Variants in SASH1 observed in about 807,000 individuals in gnomAD.
SASH1 encodes the protein SAM and SH3 domain containing 1.
A neutral mutation model predicts 125.2 loss-of-function variants in SASH1; 44 were observed. That is an observed-to-expected ratio of 0.35 (90% CI 0.28 to 0.45). The LOEUF (loss-of-function observed/expected upper bound fraction) is 0.45, where lower values mean the gene tolerates loss of function less well. Among genes scored for constraint, SASH1 ranks in the 20% least tolerant of loss-of-function variants. The pLI is 1.00. For synonymous variants in SASH1, 639 were observed against 649.1 expected, an observed-to-expected ratio of 0.98 and a Z score of 0.24; for missense variants, 1,426 against 1,614.5, an observed-to-expected ratio of 0.88 and a Z score of 2.00.
chr6:148,443,838 C>G (rs1302228869), intron 4 of SASH1, among the ~76,000 whole-genome samples: 1 of 152,202 alleles, frequency 6.6e-6, no homozygotes, highest in Non-Finnish European at 1.5e-5. Flanking sequence ...GACAATCTCA[C>G]TATTCCCTTA....
intron 1 of SASH1, among the ~76,000 whole-genome samples, chr6:148,315,606 C>G (rs968566758): frequency 2.6e-5 from 4 of 152,118 alleles, no homozygotes; most frequent in African/African-American, 7.2e-5. Flanking sequence ...CTTACCCTGT[C>G]AAAATCTCAA....
chr6:148,443,176 G>A (rs1000191609), intron 4 of SASH1, among the ~76,000 whole-genome samples: 10 of 149,044 alleles, frequency 6.7e-5, no homozygotes, highest in Admixed American at 6.1e-4. Flanking sequence ...ATGGCTCACG[G>A]CATGTTGGTG....
the SASH1 span, among the ~76,000 whole-genome samples, chr6:148,217,083 G>A: frequency 6.6e-6 from 1 of 152,132 alleles, no homozygotes; most frequent in South Asian, 2.1e-4. Context: ...AGCACCGCTA[G>A]AGACTTAGGT....
the SASH1 span, among the ~76,000 whole-genome samples, chr6:148,216,405 T>C: frequency 6.6e-6 from 1 of 152,220 alleles, no homozygotes; most frequent in Non-Finnish European, 1.5e-5. Flanking sequence ...TTTATTTTGG[T>C]AACTTTTTAT....
intron 1 of SASH1, among the ~76,000 whole-genome samples, chr6:148,368,768 G>A (rs1392325556): frequency 5.8e-4 from 41 of 70,474 alleles, no homozygotes; most frequent in Middle Eastern, 6.2e-3. Flanking sequence ...GCGCACGCGC[G>A]CGCACACACA....
chr6:148,194,527 A>G, the SASH1 span, among the ~76,000 whole-genome samples: 2 of 152,186 alleles, frequency 1.3e-5, no homozygotes, highest in African/African-American at 4.8e-5. Context: ...TGGCAGTATG[A>G]CCTATACTAC....
At chr6:148,376,826 G>A (rs866967954) in intron 1 of SASH1, among the ~76,000 whole-genome samples, 16 of 152,080 alleles carry the variant, frequency 1.1e-4, no homozygotes, top group Middle Eastern at 3.4e-3. Context: ...GGTGGTTGCA[G>A]CACTGCATTC....
intron 1 of SASH1, among the ~76,000 whole-genome samples, chr6:148,318,519 T>G (rs919537709): frequency 4.6e-5 from 7 of 152,070 alleles, no homozygotes; most frequent in Non-Finnish European, 1.5e-5. Flanking sequence ...GCAGCTTCTT[T>G]TCTCACCTTT....
At chr6:148,273,296 CTTTT>C (rs758727802) in intron 1 of SASH1, among the ~76,000 whole-genome samples, 1 of 134,676 alleles carries the variant, frequency 7.4e-6, no homozygotes. Context: ...TTCTTTCTTT[CTTTT>C]TTTTTTTTTT....
chr6:148,311,719 C>T (rs1187466694), intron 1 of SASH1, among the ~76,000 whole-genome samples: 1 of 152,018 alleles, frequency 6.6e-6, no homozygotes, highest in African/African-American at 2.4e-5. Flanking sequence ...TAGGAGGATC[C>T]CCTGAACCTG....
Position 148,342,851 on chromosome 6 carries a change from G to T in SASH1, c.-217G>T, listed in dbSNP as rs1008692796. 13 of 182,012 alleles carry T rather than the reference G, an allele frequency of 7.1e-5. No homozygotes were observed. Among genetic ancestry groups the T allele is most frequent in the Non-Finnish European group, 4.2e-5 (4 of 95,376 alleles). 11.3% of individuals were successfully genotyped at this position (182,012 alleles called of 1,614,324 possible). A position where few individuals can be genotyped will look rare whatever the true frequency, so the allele number is the denominator to read the frequency against. The stretch of plus-strand genomic sequence containing the variant: ...GCCGAGCGGGGTGGGAAAGTTTCTG[G>T]AGTTGTCAGTCGCGCAGCCCGTGGC... On this transcript the variant is annotated 5_prime_UTR_variant, in exon 1 of 20. Transcript: ENST00000367467.
At chr6:148,411,730 G>A (rs1385967445) in intron 2 of SASH1, among the ~76,000 whole-genome samples, 3 of 152,126 alleles carry the variant, frequency 2.0e-5, no homozygotes. Flanking sequence ...TTTTAGTAGA[G>A]ACGCAGTTTC....
At chr6:148,387,505 CTT>C (rs1783426115) in intron 1 of SASH1, among the ~76,000 whole-genome samples, 2 of 138,386 alleles carry the variant, frequency 1.4e-5, no homozygotes, top group South Asian at 2.4e-4. Context: ...TCTTCTCTCT[CTT>C]TCTTTTTCCT....
chr6:148,354,951 G>T (rs373433471), intron 1 of SASH1, among the ~76,000 whole-genome samples: 74 of 152,246 alleles, frequency 4.9e-4, no homozygotes, highest in African/African-American at 1.7e-3. Flanking sequence ...TAAAGATGGG[G>T]TTTCACCATG....
chr6:148,533,928 G>A lies in SASH1; in HGVS notation c.1892G>A (p.Arg631Gln), dbSNP rs368037095. ...CCCACCAGGAGGCGTCGGAAAGGAC[G>A]ACCACCCCAGCCCAAGTCTGTGGAG... is the stretch of plus-strand genomic sequence containing the variant. ...KRPTRRRRKG[R>Q]PPQPKSVEDL... Residue 631 changes from arginine to glutamine, a missense_variant, in exon 15 of 20, where the codon CGA becomes CAA. Around this residue, in one of 3 missense-constraint regions of SASH1, gnomAD observed 225 missense variants for 344.5 expected, o/e 0.65. Coordinates refer to ENST00000367467, the MANE Select transcript of SASH1 (RefSeq NM_015278.5). This position sits in a 1 kb window ranked among gnomAD's most constrained non-coding sequence, Gnocchi z 6.2. 13 of 1,613,952 alleles carry A rather than the reference G, an allele frequency of 8.1e-6. No homozygotes were observed. Among genetic ancestry groups the A allele is most frequent in the Middle Eastern group, 3.3e-4 (2 of 6,058 alleles).
chr6:148,457,483 T>G (rs1466691493), intron 4 of SASH1, among the ~76,000 whole-genome samples: 1 of 152,152 alleles, frequency 6.6e-6, no homozygotes, highest in Non-Finnish European at 1.5e-5. Context: ...TGACTTACAG[T>G]GACTAATTGC....
chr6:148,213,032 CT>C, the SASH1 span, among the ~76,000 whole-genome samples: 1 of 152,178 alleles, frequency 6.6e-6, no homozygotes, highest in Admixed American at 6.6e-5. Flanking sequence ...TCTCCTGCCC[CT>C]GCCTGTGACA....
At chr6:148,401,787 G>T (rs1056490667) in intron 2 of SASH1, among the ~76,000 whole-genome samples, 1 of 151,940 alleles carries the variant, frequency 6.6e-6, no homozygotes, top group Admixed American at 6.6e-5. Context: ...TGTGTGTGTG[G>T]GGGGGTGTAT....
chr6:148,456,868 C>CATAATAATAATA (rs1583191365), intron 4 of SASH1, among the ~76,000 whole-genome samples: 1 of 58,104 alleles, frequency 1.7e-5, no homozygotes, highest in Admixed American at 2.1e-4. Context: ...CAGAGTGTCT[C>CATAATAATAATA]ATAACAATAA....
Sources: allele counts gnomAD v4.1 joint callset (sites outside exome capture counted in the v4.1 genomes callset), GRCh38; gene constraint gnomAD v4.1.1; regional missense constraint gnomAD v4.1.1; non-coding constraint Gnocchi (gnomAD v3.1); transcripts MANE v1.5; gene names NCBI Gene and HGNC (gene_info 2026-07-23, HGNC 2026-07-21).